The following CLIP4 variants were observed in gnomAD, a reference collection of about 807,000 sequenced individuals.
The protein encoded by CLIP4 is CAP-Gly domain-containing linker protein 4.
In CLIP4, 47 loss-of-function variants were observed where a neutral mutation model predicts 73.1. That is an observed-to-expected ratio of 0.64 (90% CI 0.51 to 0.82). CLIP4 has a LOEUF of 0.82. Among genes scored for constraint, CLIP4 ranks in the 40% least tolerant of loss-of-function variants. The pLI, the probability that CLIP4 is intolerant of heterozygous loss-of-function variation, is 0.00. For synonymous variants in CLIP4, 306 were observed against 295.4 expected (o/e 1.04, Z -0.37); for missense variants, 874 against 852.9 (o/e 1.02, Z -0.31).
chr2:29,145,398 A>G (rs759564715), intron 8 of CLIP4, 31 bp downstream of exon 8: 57 of 1,529,726 alleles, frequency 3.7e-5, no homozygotes, highest in Non-Finnish European at 5.0e-5. Flanking sequence ...CTCGGTAAGA[A>G]TTAATTAAAA....
chr2:29,138,821 A>G (rs1665558279), intron 6 of CLIP4, among the ~76,000 whole-genome samples: 1 of 152,078 alleles, frequency 6.6e-6, no homozygotes, highest in Non-Finnish European at 1.5e-5. Flanking sequence ...GTGTATAGAA[A>G]TGCTACTGAT....
intron 10 of CLIP4, among the ~76,000 whole-genome samples, 175 bp from the exon 11 acceptor site, chr2:29,157,029 C>G (rs1213216428): frequency 6.6e-6 from 1 of 152,096 alleles, no homozygotes; most frequent in East Asian, 1.9e-4. Flanking sequence ...GTTATAAAAT[C>G]TTTTATATAT....
At chr2:29,135,384 A>G (rs1665279343) in intron 5 of CLIP4, among the ~76,000 whole-genome samples, 164 bp from the exon 6 acceptor site, 2 of 152,184 alleles carry the variant, frequency 1.3e-5, no homozygotes, top group South Asian at 4.1e-4. Flanking sequence ...TTTTAACTAG[A>G]TTGTAATATA....
Position 29,181,857 on chromosome 2 carries a change from A to T in CLIP4, c.2082A>T (p.Gly694=). 6.2e-7 allele frequency: 1 copy of T among 1,613,184 alleles called. No individual in the cohort carries two copies. Among genetic ancestry groups the T allele is most frequent in the Non-Finnish European group, 8.5e-7 (1 of 1,179,300 alleles). Residue 694 remains glycine (G), a synonymous_variant, in exon 16 of 16, where the codon GGA becomes GGT. Coordinates refer to ENST00000320081, the MANE Select transcript of CLIP4 (RefSeq NM_024692.6). ...LVRPSRVTYR[G]INGSKLVDEN... Reference sequence around the variant, plus strand: ...GACCGAGCAGAGTGACCTATCGGGGAATTAATGGGTCAAAACTTGTGGATG... The same window carrying T: ...GACCGAGCAGAGTGACCTATCGGGGTATTAATGGGTCAAAACTTGTGGATG...
chr2:29,160,249 C>G, intron 11 of CLIP4, 84 bp from the exon 12 acceptor site: 1 of 1,569,952 alleles, frequency 6.4e-7, no homozygotes, highest in South Asian at 1.1e-5. Flanking sequence ...GATTTTTTGG[C>G]TAATGTGCTT....
chr2:29,166,250 A>G (rs1667607430), intron 13 of CLIP4, among the ~76,000 whole-genome samples: 1 of 152,060 alleles, frequency 6.6e-6, no homozygotes, highest in Admixed American at 6.6e-5. Flanking sequence ...GACAGTCTTA[A>G]TAAGGTAGTG....
chr2:29,168,608 C>T (rs530770857), intron 14 of CLIP4, among the ~76,000 whole-genome samples: 26 of 149,146 alleles, frequency 1.7e-4, no homozygotes, highest in South Asian at 4.3e-4. Context: ...CCGCAAGCTC[C>T]GCCTCCCAGG....
chr2:29,156,237 AAT>A (rs1666914824), intron 9 of CLIP4, 115 bp from the exon 10 acceptor site: 2 of 642,276 alleles, frequency 3.1e-6, no homozygotes, highest in Non-Finnish European at 5.2e-6. Flanking sequence ...GTTGTTATCC[AAT>A]ATGTTTTCAG....
At chr2:29,173,362 C>G (rs2148101787) in intron 14 of CLIP4, among the ~76,000 whole-genome samples, 1 of 152,296 alleles carries the variant, frequency 6.6e-6, no homozygotes, top group East Asian at 1.9e-4. Context: ...CGTTTTGTTT[C>G]TCATTTCACC....
At chr2:29,175,774 A>T (rs1234844366) in intron 15 of CLIP4, among the ~76,000 whole-genome samples, 2 of 151,828 alleles carry the variant, frequency 1.3e-5, no homozygotes, top group African/African-American at 2.4e-5. Context: ...TAATTTTTTT[A>T]TTTTTGAGAC....
chr2:29,125,768 G>A (rs993988094), intron 2 of CLIP4, among the ~76,000 whole-genome samples: 4 of 152,030 alleles, frequency 2.6e-5, no homozygotes, highest in African/African-American at 9.7e-5. Context: ...TCTTCCCTCT[G>A]GTGTTGTGGT....
chr2:29,139,603 T>G (rs1235706185), intron 6 of CLIP4, among the ~76,000 whole-genome samples: 1 of 152,176 alleles, frequency 6.6e-6, no homozygotes, highest in East Asian at 1.9e-4. Flanking sequence ...TGTGAATCCA[T>G]TCGGTCCAGG....
chr2:29,178,330 C>A (rs1338506502), intron 15 of CLIP4, among the ~76,000 whole-genome samples: 1 of 152,086 alleles, frequency 6.6e-6, no homozygotes, highest in Non-Finnish European at 1.5e-5. Context: ...CAGGCTCATA[C>A]CACCATGCCT....
chr2:29,157,084 A>T, intron 10 of CLIP4, 120 bp from the exon 11 acceptor site: 1 of 803,546 alleles, frequency 1.2e-6, no homozygotes, highest in South Asian at 1.6e-5. Flanking sequence ...TTAATTTGAC[A>T]CTAGATAATC....
intron 13 of CLIP4, among the ~76,000 whole-genome samples, chr2:29,165,543 AC>A (rs1375233597): frequency 6.6e-6 from 1 of 152,172 alleles, no homozygotes; most frequent in East Asian, 1.9e-4. Context: ...AGCTTCAGGG[AC>A]CTTCGTCAGG....
intron 11 of CLIP4, among the ~76,000 whole-genome samples, chr2:29,159,907 T>G (rs1022731407): frequency 5.9e-5 from 9 of 152,218 alleles, no homozygotes; most frequent in Non-Finnish European, 1.3e-4. Flanking sequence ...TATATCTACT[T>G]TCATGCTGCA....
intron 6 of CLIP4, among the ~76,000 whole-genome samples, chr2:29,142,545 G>A (rs757775511): frequency 6.6e-6 from 1 of 151,862 alleles, no homozygotes; most frequent in Non-Finnish European, 1.5e-5. Flanking sequence ...TATTTTGTAT[G>A]TTTTCTTGAA....
At chr2:29,102,121 C>T (rs1464607059) in intron 1 of CLIP4, among the ~76,000 whole-genome samples, 1 of 152,102 alleles carries the variant, frequency 6.6e-6, no homozygotes, top group African/African-American at 2.4e-5. Context: ...CCTGTGGGGT[C>T]TCTAAGAAGG....
At chr2:29,177,717 G>A (rs1049470472) in intron 15 of CLIP4, among the ~76,000 whole-genome samples, 16 of 152,180 alleles carry the variant, frequency 1.1e-4, no homozygotes, top group East Asian at 3.8e-4. Flanking sequence ...GAGAAGAGAC[G>A]TCTTCCTCTT....
Sources: gnomAD v4.1 joint callset for allele counts (sites outside exome capture counted in the v4.1 genomes callset) on GRCh38, gnomAD v4.1.1 for gene constraint, MANE v1.5 for transcripts, NCBI Gene and HGNC (gene_info 2026-07-23, HGNC 2026-07-21) for gene names.